Variants in PRPSAP1 observed in about 807,000 individuals in gnomAD.
The protein encoded by PRPSAP1 is phosphoribosyl pyrophosphate synthase-associated protein 1.
Under a neutral mutation model 39.4 loss-of-function variants are expected in PRPSAP1, and 31 were observed. The observed-to-expected ratio is 0.79, with a 90% CI of 0.59 to 1.06. The LOEUF (loss-of-function observed/expected upper bound fraction) is 1.06. PRPSAP1 is among the 50% of genes least tolerant of loss of function. The probability of loss-of-function intolerance (pLI) is 0.00; values close to 1 mark genes in which losing one functional copy is unlikely to be tolerated. For missense variants in PRPSAP1, 430 were observed against 511.6 expected, an observed-to-expected ratio of 0.84 and a Z score of 1.54; for synonymous variants, 212 against 192.6, an observed-to-expected ratio of 1.10 and a Z score of -0.83.
chr17:76,320,423 CTT>C (rs71161282), intron 7 of PRPSAP1, among the ~76,000 whole-genome samples: 3 of 73,420 alleles, frequency 4.1e-5, no homozygotes, highest in African/African-American at 1.2e-4. Context: ...GCAGATAATG[CTT>C]TTTTTTTTTT....
At chr17:76,336,432 T>C (rs9911521) in intron 3 of PRPSAP1, among the ~76,000 whole-genome samples, 145,967 of 145,982 alleles carry the variant, frequency 1, 72,976 homozygotes, top group South Asian at 1. Flanking sequence ...AGCGAGAATC[T>C]TTCTCAAAAA....
intron 5 of PRPSAP1, 156 bp from the exon 6 acceptor site, chr17:76,330,254 T>C (rs1431473955): frequency 9.2e-6 from 6 of 650,302 alleles, no homozygotes; most frequent in Admixed American, 6.0e-5. Flanking sequence ...TATTTATCAA[T>C]TAACATCACT....
chr17:76,353,978 C>T (rs1474156453), upstream of PRPSAP1: 4 of 1,286,324 alleles, frequency 3.1e-6, no homozygotes, highest in Non-Finnish European at 3.9e-6. Context: ...AGGCCGCCAT[C>T]TCGGATGAGG....
chr17:76,342,256 C>A (rs550798408), intron 3 of PRPSAP1, among the ~76,000 whole-genome samples: 19 of 152,098 alleles, frequency 1.2e-4, no homozygotes, highest in Non-Finnish European at 1.5e-4. Context: ...GATGCATCCA[C>A]ACAAGATGTC....
chr17:76,325,100 T>C (rs1161893312), intron 7 of PRPSAP1, among the ~76,000 whole-genome samples: 8 of 141,318 alleles, frequency 5.7e-5, no homozygotes, highest in Non-Finnish European at 1.1e-4. Context: ...AAAAATTGCC[T>C]GAGGCCAGGA....
At chr17:76,343,840 A>G (rs2071466372) in intron 3 of PRPSAP1, among the ~76,000 whole-genome samples, 1 of 152,214 alleles carries the variant, frequency 6.6e-6, no homozygotes, top group Non-Finnish European at 1.5e-5. Flanking sequence ...CCCCAAAAAA[A>G]GCCTGGAGAG....
chr17:76,332,508 A>G (rs1337539747), intron 3 of PRPSAP1, 73 bp from the exon 4 acceptor site: 28 of 1,548,470 alleles, frequency 1.8e-5, no homozygotes, highest in Non-Finnish European at 2.0e-5. Flanking sequence ...GACTTTATCA[A>G]CTTAACATGG....
Position 76,339,771 on chromosome 17 carries a change from G to A in PRPSAP1, c.290+4900C>T, listed in dbSNP as rs184847789. The stretch of plus-strand genomic sequence containing the variant: ...CTTATGTAAAATTGTCATTGTTATT[G>A]TACAAGACTCTGCTACAACTCTATG... On this transcript the variant is annotated intron_variant, in intron 3 of 9. Transcript: ENST00000446526. 2.9e-3 allele frequency among the ~76,000 whole-genome samples: 444 copies of A among 151,708 alleles called. 8 individuals carry two copies. The highest frequency in any genetic ancestry group is 1.7e-3 in the Non-Finnish European group (117 of 68,002).
In PRPSAP1 at chr17:76,340,351, TTAAC is replaced by T. The variant is rs1413054847; in HGVS notation, c.290+4316_290+4319del. 1.3e-5 allele frequency among the ~76,000 whole-genome samples: 2 copies of T among 151,682 alleles called. 1 individual carries two copies. Among genetic ancestry groups the T allele is most frequent in the Non-Finnish European group, 2.9e-5 (2 of 68,022 alleles). On this transcript the variant is annotated intron_variant, in intron 3 of 9. Coordinates refer to ENST00000446526, the MANE Select transcript of PRPSAP1 (RefSeq NM_002766.3). ...ACGGTAAGTGTTTCCCAATTGGCTA[TTAAC>T]TAAGTCATTTCTTCATGCTTCTTTT... is the stretch of plus-strand genomic sequence containing the variant.
At chr17:76,350,021 G>A (rs1218467900) in intron 1 of PRPSAP1, among the ~76,000 whole-genome samples, 1 of 151,468 alleles carries the variant, frequency 6.6e-6, no homozygotes, top group African/African-American at 2.4e-5. Flanking sequence ...GGAGGCGGGG[G>A]CTGCAGTGAG....
intron 7 of PRPSAP1, among the ~76,000 whole-genome samples, chr17:76,321,033 T>A (rs147239848): frequency 6.6e-6 from 1 of 152,114 alleles, no homozygotes. Context: ...TCCTGGCACT[T>A]TGGCCTCCCA....
rs1312538308 is a variant in PRPSAP1 at position 76,332,390 on chromosome 17, T to C, written c.336A>G (p.Ala112=). 1 of 1,614,208 alleles carries C rather than the reference T, an allele frequency of 6.2e-7. No homozygotes were observed. Among genetic ancestry groups the C allele is most frequent in the Admixed American group, 1.7e-5 (1 of 60,016 alleles). ...TGTTCCTGGCACAGGCAGTCTTCAG[T>C]GCGTAAGCCATGATGAGCAACTCCA... ...AVMELLIMAY[A]LKTACARNII... The change falls in exon 4 of 10, where the codon GCA becomes GCG. Residue 112 remains alanine, a synonymous_variant. Coordinates refer to ENST00000446526, the MANE Select transcript of PRPSAP1 (RefSeq NM_002766.3).
chr17:76,320,502 C>T (rs2071184769), intron 7 of PRPSAP1, among the ~76,000 whole-genome samples: 1 of 139,062 alleles, frequency 7.2e-6, no homozygotes, highest in Non-Finnish European at 1.5e-5. Context: ...TCAGTTCACT[C>T]CAACCTCTGC....
intron 3 of PRPSAP1, among the ~76,000 whole-genome samples, chr17:76,342,591 C>T (rs1036652313): frequency 9.9e-5 from 15 of 151,320 alleles, no homozygotes; most frequent in Admixed American, 4.6e-4. Flanking sequence ...GTGGCACACA[C>T]CTATGGTCCC....
At position 76,340,400 on chromosome 17, in the gene PRPSAP1, C is replaced by T. The variant is rs79945799; in HGVS notation, c.290+4271G>A. ...TCTTTTGTCCCTTCCCTGGAAGACA[C>T]TTGCACACTGATGATCCTTTGTTTG... On this transcript the variant is annotated intron_variant, in intron 3 of 9. Coordinates refer to ENST00000446526, the MANE Select transcript of PRPSAP1 (RefSeq NM_002766.3). Among the ~76,000 whole-genome samples, 806 of 151,918 alleles carry T rather than the reference C, an allele frequency of 5.3e-3. 26 individuals carry two copies. The highest frequency in any genetic ancestry group is 0.019 in the African/African-American group (768 of 41,178).
chr17:76,320,546 T>A (rs192085219), intron 7 of PRPSAP1, among the ~76,000 whole-genome samples: 394 of 147,614 alleles, frequency 2.7e-3, no homozygotes, highest in African/African-American at 9.5e-3. Context: ...TGACTCAGCC[T>A]ACCAAGTAGC....
intron 2 of PRPSAP1, chr17:76,346,148 T>G (rs1348389588): frequency 3.9e-6 from 1 of 258,998 alleles, no homozygotes; most frequent in African/African-American, 2.3e-5. Context: ...ACTGTACAGT[T>G]TGAAATACTA....
chr17:76,347,128 A>C (rs1194368052), intron 2 of PRPSAP1, among the ~76,000 whole-genome samples: 2 of 151,756 alleles, frequency 1.3e-5, no homozygotes, highest in African/African-American at 4.8e-5. Flanking sequence ...GGGGTTTGGG[A>C]ACATGGGAAG....
At chr17:76,338,968 G>A (rs185343211) in intron 3 of PRPSAP1, among the ~76,000 whole-genome samples, 1 of 151,486 alleles carries the variant, frequency 6.6e-6, no homozygotes, top group Non-Finnish European at 1.5e-5. Flanking sequence ...GGAAAGTGGA[G>A]GTTGCAGTGA....
Sources: allele counts gnomAD v4.1 joint callset (sites outside exome capture counted in the v4.1 genomes callset), GRCh38; gene constraint gnomAD v4.1.1; transcripts MANE v1.5; gene names NCBI Gene and HGNC (gene_info 2026-07-23, HGNC 2026-07-21).